PLXNA2: variants seen among roughly 807,000 people sequenced by gnomAD.
The protein encoded by PLXNA2 is plexin A2, also known as plexin-A2.
In PLXNA2, 91 loss-of-function variants were observed where a neutral mutation model predicts 193.5. That is an observed-to-expected ratio of 0.47 (90% CI 0.40 to 0.56). The LOEUF (loss-of-function observed/expected upper bound fraction) is 0.56. PLXNA2 is among the 20% of genes least tolerant of loss of function. The probability of loss-of-function intolerance (pLI) is 0.00; values close to 1 mark genes in which losing one functional copy is unlikely to be tolerated. For synonymous variants in PLXNA2, 997 were observed against 1,027.3 expected (o/e 0.97, Z 0.56); for missense variants, 1,995 against 2,503.2 (o/e 0.80, Z 4.33).
At position 208,023,122 on chromosome 1, in the gene PLXNA2, T is replaced by C. The variant is rs1484639652; in HGVS notation, c.*4121A>G. 2.6e-5 allele frequency: 4 copies of C among 152,180 alleles called. No homozygotes were observed. Among genetic ancestry groups the C allele is most frequent in the African/African-American group, 9.7e-5 (4 of 41,430 alleles). 9.4% of individuals were successfully genotyped at this position (152,180 alleles called of 1,614,324 possible). ...AGGCGTCGGAAGGCCCTGAAGTTCA[T>C]CTCCCAAGTTCCCCGTCGATCTGCT... On this transcript the variant is annotated 3_prime_UTR_variant, in exon 32 of 32. Coordinates refer to ENST00000367033, the MANE Select transcript of PLXNA2 (RefSeq NM_025179.4).
intron 28 of PLXNA2, among the ~76,000 whole-genome samples, chr1:208,032,793 C>T (rs1461409326): frequency 1.3e-5 from 2 of 152,094 alleles, no homozygotes; most frequent in African/African-American, 4.8e-5. Context: ...CCCATTGTGG[C>T]CAGAAAGGGG....
intron 3 of PLXNA2, among the ~76,000 whole-genome samples, chr1:208,172,215 T>A (rs962000897): frequency 1.3e-5 from 2 of 151,780 alleles, no homozygotes; most frequent in African/African-American, 4.8e-5. Context: ...TGCAGACCTA[T>A]GTGAAAACCA....
chr1:208,056,448 C>T lies in PLXNA2; in HGVS notation c.2739-1910G>A, dbSNP rs144053019. Among the ~76,000 whole-genome samples, 105 of 152,262 alleles carry T rather than the reference C, an allele frequency of 6.9e-4. 1 individual carries two copies. Among genetic ancestry groups the T allele is most frequent in the African/African-American group, 2.1e-3 (89 of 41,548 alleles). On this transcript the variant is annotated intron_variant, in intron 13 of 31. Transcript: ENST00000367033. ...GAAAAAAGAGAACATGTGAAGGTCACGGGCAGCATGGAAATGTTCTTCCCT... is the reference window on the plus strand; with the variant it reads ...GAAAAAAGAGAACATGTGAAGGTCATGGGCAGCATGGAAATGTTCTTCCCT...
intron 4 of PLXNA2, among the ~76,000 whole-genome samples, chr1:208,125,099 A>C (rs944952596): frequency 6.6e-6 from 1 of 152,200 alleles, no homozygotes; most frequent in African/African-American, 2.4e-5. Context: ...AACAATAACT[A>C]TACCAAATGG....
In PLXNA2 at chr1:208,216,830, A is replaced by T. The variant is rs1359523342; in HGVS notation, c.1093T>A (p.Leu365Met). ...GACTGCAGGCGCTCCTTGATCTGCA[A>T]GTTGATGGCCCGGATAGGGAAGGCA... ...LCAFPIRAINLQIKERLQSCY... is the reference protein window; with the variant it reads ...LCAFPIRAINMQIKERLQSCY... The change falls in exon 2 of 32, where the codon TTG (leucine) becomes ATG (methionine). Residue 365 changes from leucine to methionine, a missense_variant. Coordinates refer to ENST00000367033, the MANE Select transcript of PLXNA2 (RefSeq NM_025179.4). 3.1e-6 allele frequency: 5 copies of T among 1,614,198 alleles called. No individual in the cohort carries two copies. In the Admixed American group the frequency reaches 8.3e-5, roughly 27 times the overall value.
chr1:208,163,886 T>G (rs1669212694), intron 3 of PLXNA2, among the ~76,000 whole-genome samples: 1 of 152,222 alleles, frequency 6.6e-6, no homozygotes, highest in African/African-American at 2.4e-5. Flanking sequence ...AATGAATTGA[T>G]GATCTCTGCC....
At chr1:208,210,110 C>T (rs1670886866) in intron 3 of PLXNA2, 170 bp downstream of exon 3, 1 of 645,538 alleles carries the variant, frequency 1.5e-6, no homozygotes, top group Admixed American at 2.2e-5. Flanking sequence ...GAGGAAGTAG[C>T]TAGAAGCTAA....
intron 4 of PLXNA2, among the ~76,000 whole-genome samples, chr1:208,111,216 A>G (rs1369920552): frequency 6.6e-6 from 1 of 151,946 alleles, no homozygotes; most frequent in Non-Finnish European, 1.5e-5. Flanking sequence ...ACACCTGGCT[A>G]ATTAATTTAA....
At chr1:208,220,125 G>T (rs527439284) in intron 1 of PLXNA2, among the ~76,000 whole-genome samples, 1 of 152,174 alleles carries the variant, frequency 6.6e-6, no homozygotes, top group Non-Finnish European at 1.5e-5. Context: ...GGGGAGGAAG[G>T]GGGTTCTGGT....
chr1:208,031,961 G>A, intron 28 of PLXNA2: 1 of 983,924 alleles, frequency 1.0e-6, no homozygotes, highest in Non-Finnish European at 1.2e-6. Context: ...GAATCCTGGG[G>A]AAGAATCTCT....
intron 3 of PLXNA2, among the ~76,000 whole-genome samples, chr1:208,207,814 C>T (rs997375218): frequency 6.6e-6 from 1 of 151,964 alleles, no homozygotes; most frequent in Non-Finnish European, 1.5e-5. Context: ...CTCAAAGCAG[C>T]GTGGGTGGGA....
chr1:208,051,338 C>T lies in PLXNA2; in HGVS notation c.3079G>A (p.Ala1027Thr). 1 of 1,613,792 alleles carries T rather than the reference C, an allele frequency of 6.2e-7. No individual in the cohort carries two copies. Among genetic ancestry groups the T allele is most frequent in the Non-Finnish European group, 8.5e-7 (1 of 1,179,922 alleles). Residue 1027 changes from alanine to threonine, a missense_variant, in exon 16 of 32, where the codon GCC (alanine) becomes ACC (threonine). Physicochemically the swap from Ala to Thr is moderately conservative, Grantham distance 58. Around this residue, in one of 3 missense-constraint regions of PLXNA2, gnomAD observed 1,291 missense variants for 1,673.6 expected, o/e 0.77. Coordinates refer to ENST00000367033, the MANE Select transcript of PLXNA2 (RefSeq NM_025179.4). ...AACTGCAGGTTGCTATCCACATGGGCTCGGTCGACACTCACAGAAACAGGG... is the reference window on the plus strand; with the variant it reads ...AACTGCAGGTTGCTATCCACATGGGTTCGGTCGACACTCACAGAAACAGGG... ...PVPVSVSVDR[A>T]HVDSNLQFEY...
At chr1:208,046,485 G>A (rs1396223944) in intron 17 of PLXNA2, among the ~76,000 whole-genome samples, 3 of 152,074 alleles carry the variant, frequency 2.0e-5, no homozygotes, top group Non-Finnish European at 4.4e-5. Context: ...ACTGTTGGAT[G>A]CATGCAGAGA....
At chr1:208,107,337 G>A (rs1453301008) in intron 4 of PLXNA2, among the ~76,000 whole-genome samples, 5 of 152,004 alleles carry the variant, frequency 3.3e-5, no homozygotes, top group African/African-American at 4.8e-5. Context: ...TAGGTCCTGG[G>A]GCCAGGAAGA....
intron 1 of PLXNA2, among the ~76,000 whole-genome samples, chr1:208,226,647 T>C (rs903236063): frequency 6.6e-6 from 1 of 152,188 alleles, no homozygotes; most frequent in African/African-American, 2.4e-5. Flanking sequence ...ACCTGCCCCA[T>C]ATGTCATGGG....
chr1:208,106,834 C>T (rs904154842), intron 4 of PLXNA2, among the ~76,000 whole-genome samples: 12 of 152,160 alleles, frequency 7.9e-5, no homozygotes, highest in East Asian at 3.8e-4. Context: ...CTGCCCTAAA[C>T]GGAGTATACA....
At chr1:208,068,931 T>C (rs1460534633) in intron 12 of PLXNA2, among the ~76,000 whole-genome samples, 1 of 152,238 alleles carries the variant, frequency 6.6e-6, no homozygotes, top group Non-Finnish European at 1.5e-5. Flanking sequence ...CTGATATCTA[T>C]TGACTGGTTG....
At chr1:208,118,753 T>C (rs983448119) in intron 4 of PLXNA2, among the ~76,000 whole-genome samples, 19 of 148,302 alleles carry the variant, frequency 1.3e-4, no homozygotes, top group Non-Finnish European at 2.4e-4. Context: ...ATTTTTTTTC[T>C]TTTTTTTTTA....
intron 26 of PLXNA2, among the ~76,000 whole-genome samples, chr1:208,036,371 T>C (rs1383773867): frequency 6.6e-6 from 1 of 152,202 alleles, no homozygotes; most frequent in African/African-American, 2.4e-5. Flanking sequence ...ACCGCTCCTG[T>C]CCTTGGTTTT....
Sources: gnomAD v4.1 joint callset for allele counts (sites outside exome capture counted in the v4.1 genomes callset) on GRCh38, gnomAD v4.1.1 for gene constraint, gnomAD v4.1.1 regional missense constraint, MANE v1.5 for transcripts, NCBI Gene and HGNC (gene_info 2026-07-23, HGNC 2026-07-21) for gene names.